Variants in MAP3K7 observed in about 807,000 individuals in gnomAD.
MAP3K7 encodes the protein mitogen-activated protein kinase kinase kinase 7.
In MAP3K7, 21 loss-of-function variants were observed where a neutral mutation model predicts 84.8. The ratio of observed to expected loss-of-function variants is 0.25; its 90% CI spans 0.18 to 0.36. MAP3K7 has a LOEUF of 0.36. MAP3K7 is among the 10% of genes least tolerant of loss of function. The probability of loss-of-function intolerance (pLI) is 1.00; values close to 1 mark genes in which losing one functional copy is unlikely to be tolerated. For synonymous variants in MAP3K7, 241 were observed against 247.7 expected, an observed-to-expected ratio of 0.97 and a Z score of 0.25; for missense variants, 503 against 747.7, an observed-to-expected ratio of 0.67 and a Z score of 3.82.
intron 12 of MAP3K7, chr6:90,542,220 G>T (rs1445757337): frequency 1.0e-6 from 1 of 982,388 alleles, no homozygotes; most frequent in South Asian, 4.7e-5. Flanking sequence ...AGGATGGGCG[G>T]TATTTTTATA....
intron 3 of MAP3K7, among the ~76,000 whole-genome samples, chr6:90,566,553 G>A (rs917568003): frequency 2.0e-5 from 3 of 152,132 alleles, no homozygotes; most frequent in Admixed American, 6.5e-5. Context: ...CTGCTCATTG[G>A]AATAAAAGAA....
intron 2 of MAP3K7, among the ~76,000 whole-genome samples, chr6:90,568,946 C>G (rs1054075794): frequency 2.0e-5 from 3 of 152,144 alleles, no homozygotes; most frequent in African/African-American, 7.2e-5. Context: ...GAGATGAACT[C>G]TGCCAAGAAA....
intron 14 of MAP3K7, among the ~76,000 whole-genome samples, chr6:90,522,444 G>A (rs1775182541): frequency 6.6e-6 from 1 of 152,108 alleles, no homozygotes; most frequent in Non-Finnish European, 1.5e-5. Flanking sequence ...GTACTCCCTT[G>A]CCAGGGGGTT....
chr6:90,580,277 T>C (rs1034262652), intron 1 of MAP3K7, among the ~76,000 whole-genome samples: 1 of 152,162 alleles, frequency 6.6e-6, no homozygotes, highest in Non-Finnish European at 1.5e-5. Context: ...AAAAGTGGCA[T>C]AGATGGCCAC....
chr6:90,584,875 A>G (rs1238526688), intron 1 of MAP3K7, among the ~76,000 whole-genome samples: 2 of 152,200 alleles, frequency 1.3e-5, no homozygotes, highest in Non-Finnish European at 2.9e-5. Flanking sequence ...TTAAAAAAGA[A>G]TATTAGCCAT....
intron 5 of MAP3K7, 21 bp from the exon 6 acceptor site, chr6:90,556,645 A>G (rs748340759): frequency 6.4e-7 from 1 of 1,573,746 alleles, no homozygotes; most frequent in Non-Finnish European, 8.6e-7. Flanking sequence ...AAAAACAAAA[A>G]ACATCAAAAG....
rs763016638 is a variant in MAP3K7, at chr6:90,544,621, G to C, written c.1222C>G (p.Pro408Ala). The C allele has an allele frequency of 1.2e-6, 2 of 1,612,310 alleles. No homozygotes were observed. Among genetic ancestry groups the C allele is most frequent in the Admixed American group, 3.3e-5 (2 of 59,874 alleles). ...RIAATTAYSK[P>A]KRGHRKTASF... ...GCAGTTTTACGGTGGCCCCGTTTAG[G>C]CTTGGAATAGGCTGCAAAAACACAT... Residue 408 changes from proline (P) to alanine (A), a missense_variant, in exon 12 of 17, where the codon CCT becomes GCT. Physicochemically the swap from Pro to Ala is conservative, Grantham distance 27 (BLOSUM62 -1). Transcript: ENST00000369329.
At position 90,558,330 on chromosome 6, in the gene MAP3K7, A is replaced by T. The variant is rs534689708; in HGVS notation, c.483-1706T>A. 6.5e-4 allele frequency among the ~76,000 whole-genome samples: 99 copies of T among 151,922 alleles called. 1 individual carries two copies. Among genetic ancestry groups the T allele is most frequent in the African/African-American group, 2.1e-3 (89 of 41,496 alleles). On this transcript the variant is annotated intron_variant, in intron 5 of 16. Coordinates refer to ENST00000369329, the MANE Select transcript of MAP3K7 (RefSeq NM_145331.3). ...GAGCGAGACTGTGTCTCAAAATAAA[A>T]AATAATAATAATAATAAAAATAATT...
At chr6:90,573,531 T>G (rs1194019287) in intron 1 of MAP3K7, among the ~76,000 whole-genome samples, 2 of 152,224 alleles carry the variant, frequency 1.3e-5, no homozygotes, top group Admixed American at 1.3e-4. Flanking sequence ...TACCATGTTG[T>G]TCAATGTCTA....
Position 90,547,380 on chromosome 6 carries a change from G to C in MAP3K7, c.1088C>G (p.Ser363Cys). The part of the protein sequence containing the change: ...LKNQAKQQSE[S>C]GRLSLGASRG... Reference sequence around the variant, plus strand: ...GGAGGCTCCCAAGCTTAAACGTCCAGATTCACTCTGTTAAAATTACAGGTC... The same window carrying C: ...GGAGGCTCCCAAGCTTAAACGTCCACATTCACTCTGTTAAAATTACAGGTC... The change falls in exon 11 of 17, where the codon TCT becomes TGT. Residue 363 changes from serine (S) to cysteine (C), a missense_variant. Ser to Cys is a moderately radical substitution (Grantham distance 112). Coordinates refer to ENST00000369329, the MANE Select transcript of MAP3K7 (RefSeq NM_145331.3). 1 of 1,609,510 alleles carries C rather than the reference G, an allele frequency of 6.2e-7. No individual in the cohort carries two copies. The highest frequency in any genetic ancestry group is 8.5e-7 in the Non-Finnish European group (1 of 1,178,456).
chr6:90,563,158 CA>C (rs1359570328), intron 3 of MAP3K7, among the ~76,000 whole-genome samples: 3 of 152,208 alleles, frequency 2.0e-5, no homozygotes, highest in African/African-American at 7.2e-5. Context: ...TTCTAAAAAT[CA>C]GAGCACCTCT....
intron 12 of MAP3K7, chr6:90,542,512 C>T (rs1161969833): frequency 4.1e-6 from 4 of 984,674 alleles, no homozygotes; most frequent in Non-Finnish European, 4.8e-6. Flanking sequence ...GGCTGAAGAG[C>T]TCTCCTTAAT....
chr6:90,562,515 G>A (rs770918424), intron 3 of MAP3K7, among the ~76,000 whole-genome samples: 11 of 152,124 alleles, frequency 7.2e-5, no homozygotes, highest in Non-Finnish European at 1.0e-4. Context: ...AGGCGGCAGC[G>A]ACGCTGGGAG....
rs1030338375 is a variant in MAP3K7, at chr6:90,535,648, T to C, written c.1356+689A>G. Among the ~76,000 whole-genome samples, 33 of 152,218 alleles carry C rather than the reference T, an allele frequency of 2.2e-4. 1 individual carries two copies. The highest frequency in any genetic ancestry group is 2.0e-3 in the Admixed American group (30 of 15,272). On this transcript the variant is annotated intron_variant, in intron 13 of 16. Coordinates refer to ENST00000369329, the MANE Select transcript of MAP3K7 (RefSeq NM_145331.3). Reference sequence around the variant, plus strand: ...GAAAAAACAATGACTGAGCTACTTTTATATACCTGGTGGGTTAAAACTCTG... The same window carrying C: ...GAAAAAACAATGACTGAGCTACTTTCATATACCTGGTGGGTTAAAACTCTG...
At chr6:90,571,616 A>T in intron 2 of MAP3K7, 81 bp downstream of exon 2, 1 of 787,826 alleles carries the variant, frequency 1.3e-6, no homozygotes, top group Non-Finnish European at 1.9e-6. Context: ...GACATCTGAG[A>T]AACCAATCTT....
intron 13 of MAP3K7, among the ~76,000 whole-genome samples, chr6:90,535,078 A>C (rs1165183039): frequency 6.7e-6 from 1 of 149,978 alleles, no homozygotes. Flanking sequence ...ATCACAAAAC[A>C]TAATAAATTA....
At chr6:90,532,811 C>T (rs548884107) in intron 13 of MAP3K7, among the ~76,000 whole-genome samples, 4 of 152,302 alleles carry the variant, frequency 2.6e-5, no homozygotes, top group South Asian at 2.1e-4. Context: ...GATACAGCTA[C>T]AATTCATCAT....
At chr6:90,538,556 G>A (rs951669055) in intron 12 of MAP3K7, among the ~76,000 whole-genome samples, 4 of 151,820 alleles carry the variant, frequency 2.6e-5, no homozygotes, top group African/African-American at 7.3e-5. Context: ...ATTCTGGAAC[G>A]TTCATGTCTT....
At chr6:90,537,713 T>C (rs971434273) in intron 12 of MAP3K7, among the ~76,000 whole-genome samples, 7 of 151,972 alleles carry the variant, frequency 4.6e-5, no homozygotes, top group Admixed American at 3.3e-4. Context: ...AAACTGTGCA[T>C]TTATTGAATT....
Sources: allele counts gnomAD v4.1 joint callset (sites outside exome capture counted in the v4.1 genomes callset), GRCh38; gene constraint gnomAD v4.1.1; transcripts MANE v1.5; gene names NCBI Gene and HGNC (gene_info 2026-07-23, HGNC 2026-07-21).